The following PLXDC2 variants were observed in gnomAD, a reference collection of about 807,000 sequenced individuals.
PLXDC2 encodes the protein plexin domain containing 2, also known as plexin domain-containing protein 2.
PLXDC2 carries 40 observed loss-of-function variants against 68.9 expected under a neutral mutation model. The observed-to-expected ratio is 0.58, with a 90% CI of 0.45 to 0.76. PLXDC2 has a LOEUF of 0.76. PLXDC2 is among the 30% of genes least tolerant of loss of function. The pLI, the probability that PLXDC2 is intolerant of heterozygous loss-of-function variation, is 0.00. For missense variants in PLXDC2, 644 were observed against 661.9 expected, an observed-to-expected ratio of 0.97 and a Z score of 0.30; for synonymous variants, 243 against 234.2, an observed-to-expected ratio of 1.04 and a Z score of -0.34.
chr10:19,897,223 TTC>T (rs1262748746), intron 1 of PLXDC2, among the ~76,000 whole-genome samples: 3 of 142,170 alleles, frequency 2.1e-5, no homozygotes, highest in Non-Finnish European at 4.6e-5. Flanking sequence ...CATGATTCCC[TTC>T]TCTTTTTTTT....
chr10:20,230,438 G>A (rs1051155698), intron 12 of PLXDC2, among the ~76,000 whole-genome samples: 12 of 152,078 alleles, frequency 7.9e-5, no homozygotes, highest in Admixed American at 5.2e-4. Context: ...GCGGGGCCGA[G>A]GAGGGCAGAT....
At position 20,284,471 on chromosome 10, in the gene PLXDC2, C is replaced by T. The variant is rs1836125722; in HGVS notation, c.*4652C>T. 6.7e-6 allele frequency: 1 copy of T among 149,420 alleles called. No individual in the cohort carries two copies. Among genetic ancestry groups the T allele is most frequent in the South Asian group, 2.1e-4 (1 of 4,712 alleles). 9.3% of individuals were successfully genotyped at this position (149,420 alleles called of 1,614,324 possible). A position where few individuals can be genotyped will look rare whatever the true frequency, so the allele number is the denominator to read the frequency against. ...AAGTGTGGTTTCTCATGCCTGTAGT[C>T]CCAGCTACTTTGGAGGCTGAAGTGT... On this transcript the variant is annotated 3_prime_UTR_variant, in exon 14 of 14. Coordinates refer to ENST00000377252, the MANE Select transcript of PLXDC2 (RefSeq NM_032812.9).
chr10:20,128,696 T>G (rs1230629270), intron 4 of PLXDC2, among the ~76,000 whole-genome samples: 3 of 152,174 alleles, frequency 2.0e-5, no homozygotes, highest in Admixed American at 2.0e-4. Context: ...ACCATTCTAC[T>G]CTCTGATTCT....
At chr10:20,072,914 A>T (rs955402740) in intron 4 of PLXDC2, among the ~76,000 whole-genome samples, 17 of 152,224 alleles carry the variant, frequency 1.1e-4, no homozygotes, top group African/African-American at 3.9e-4. Flanking sequence ...TTGACTAGAC[A>T]GATACTATAA....
chr10:20,187,594 C>T (rs1407023875), intron 9 of PLXDC2, among the ~76,000 whole-genome samples: 1 of 151,684 alleles, frequency 6.6e-6, no homozygotes. Context: ...TACTTCAAAG[C>T]TTTTTGCAGG....
At chr10:19,829,970 G>A (rs1390916248) in intron 1 of PLXDC2, among the ~76,000 whole-genome samples, 1 of 152,150 alleles carries the variant, frequency 6.6e-6, no homozygotes, top group Non-Finnish European at 1.5e-5. Context: ...CATTTCAAAG[G>A]CTGTGAAAGG....
chr10:20,250,095 C>A (rs1177420878), intron 13 of PLXDC2, among the ~76,000 whole-genome samples: 1 of 151,810 alleles, frequency 6.6e-6, no homozygotes, highest in Non-Finnish European at 1.5e-5. Context: ...TGGTGAAACC[C>A]CATCTCTACT....
chr10:19,880,156 A>G (rs1187553434), intron 1 of PLXDC2, among the ~76,000 whole-genome samples: 1 of 152,188 alleles, frequency 6.6e-6, no homozygotes, highest in African/African-American at 2.4e-5. Context: ...ATATGATGGT[A>G]TCTGTTACAT....
chr10:20,197,350 GATTGTTT>G (rs563433493), intron 9 of PLXDC2, among the ~76,000 whole-genome samples: 2,548 of 152,050 alleles, frequency 0.017, 70 homozygotes, highest in African/African-American at 0.058. Context: ...GATCTATGGT[GATTGTTT>G]TTTGTTTGTT....
intron 1 of PLXDC2, among the ~76,000 whole-genome samples, chr10:19,999,510 C>G (rs2131635695): frequency 6.6e-6 from 1 of 151,286 alleles, no homozygotes; most frequent in South Asian, 2.1e-4. Flanking sequence ...AATCTATTCT[C>G]TGAATGATGT....
intron 1 of PLXDC2, among the ~76,000 whole-genome samples, chr10:19,858,401 G>A (rs1362666881): frequency 1.3e-5 from 2 of 152,124 alleles, no homozygotes; most frequent in African/African-American, 4.8e-5. Flanking sequence ...AGTGTTCAAC[G>A]AATACTTGTT....
intron 4 of PLXDC2, among the ~76,000 whole-genome samples, chr10:20,104,775 G>A (rs969397385): frequency 7.2e-5 from 11 of 152,046 alleles, no homozygotes; most frequent in East Asian, 1.9e-4. Flanking sequence ...AGATCAGGCC[G>A]GGTGTGGTGT....
chr10:20,110,188 C>T (rs1050138875), intron 4 of PLXDC2, among the ~76,000 whole-genome samples: 1 of 151,958 alleles, frequency 6.6e-6, no homozygotes, highest in Admixed American at 6.6e-5. Context: ...TGGTGTTATG[C>T]AAGGAGGGGT....
chr10:20,143,258 CT>C, intron 4 of PLXDC2, 36 bp from the exon 5 acceptor site: 1 of 1,571,444 alleles, frequency 6.4e-7, no homozygotes, highest in Non-Finnish European at 8.6e-7. Context: ...ATATGGGCTT[CT>C]TTTTCTGAAT....
At chr10:20,101,375 G>A (rs537307338) in intron 4 of PLXDC2, among the ~76,000 whole-genome samples, 10 of 152,260 alleles carry the variant, frequency 6.6e-5, no homozygotes, top group African/African-American at 2.4e-4. Flanking sequence ...TTTAGACTGA[G>A]ACTCCTAAGG....
chr10:20,181,885 A>G (rs889971510), intron 9 of PLXDC2, among the ~76,000 whole-genome samples: 4 of 151,926 alleles, frequency 2.6e-5, no homozygotes, highest in Admixed American at 2.0e-4. Flanking sequence ...CTTCATGGAG[A>G]ACAGAGTTTT....
chr10:20,132,939 G>C (rs1833887141), intron 4 of PLXDC2, among the ~76,000 whole-genome samples: 1 of 151,480 alleles, frequency 6.6e-6, no homozygotes, highest in Non-Finnish European at 1.5e-5. Context: ...TTTTTGATTT[G>C]ATAATTTTTT....
At chr10:19,838,276 A>T (rs1157463563) in intron 1 of PLXDC2, among the ~76,000 whole-genome samples, 1 of 152,168 alleles carries the variant, frequency 6.6e-6, no homozygotes, top group Non-Finnish European at 1.5e-5. Context: ...ATATAACTTT[A>T]AAAAATTTAA....
intron 1 of PLXDC2, among the ~76,000 whole-genome samples, chr10:19,851,746 C>T (rs886904853): frequency 4.6e-5 from 7 of 152,070 alleles, no homozygotes; most frequent in African/African-American, 7.2e-5. Context: ...CCTGGTTTGA[C>T]GGTGTTGGCC....
Sources: allele counts gnomAD v4.1 joint callset (sites outside exome capture counted in the v4.1 genomes callset), GRCh38; gene constraint gnomAD v4.1.1; transcripts MANE v1.5; gene names NCBI Gene and HGNC (gene_info 2026-07-23, HGNC 2026-07-21).